Variants in STAU1 observed in about 807,000 individuals in gnomAD.
The protein encoded by STAU1 is double-stranded RNA-binding protein Staufen homolog 1.
STAU1 carries 13 observed loss-of-function variants against 62.9 expected under a neutral mutation model. The observed-to-expected ratio is 0.21, with a 90% confidence interval of 0.13 to 0.33. The LOEUF (loss-of-function observed/expected upper bound fraction) is 0.33, where lower values mean the gene tolerates loss of function less well. STAU1 is among the 10% of genes least tolerant of loss of function. The pLI, the probability that STAU1 is intolerant of heterozygous loss-of-function variation, is 1.00. For missense variants in STAU1, 571 were observed against 712.1 expected (o/e 0.80, Z 2.25); for synonymous variants, 269 against 265.1 (o/e 1.01, Z -0.14).
rs747765251 is a variant in STAU1, at chr20:49,113,875, A to C, written c.*1003T>G. The C allele has an allele frequency of 1.3e-5, 2 of 152,660 alleles. No individual in the cohort carries two copies. Among genetic ancestry groups the C allele is most frequent in the Non-Finnish European group, 2.9e-5 (2 of 68,048 alleles). The allele number at this position is 152,660 out of a possible 1,614,324, so 9.5% of individuals were successfully genotyped here. ...AAGTCCTCAAGAGCCATATGTATAG[A>C]TACACAATGTTTTTTAATAATCTTT... On this transcript the variant is annotated 3_prime_UTR_variant, in exon 14 of 14. Coordinates refer to ENST00000371856, the MANE Select transcript of STAU1 (RefSeq NM_017453.4).
chr20:49,127,741 T>C (rs1005458980), intron 6 of STAU1, among the ~76,000 whole-genome samples: 1 of 151,206 alleles, frequency 6.6e-6, no homozygotes, highest in South Asian at 2.1e-4. Context: ...GCCAGGCACA[T>C]TGGCTCACTC....
chr20:49,132,165 T>TA (rs1328999146), intron 6 of STAU1, among the ~76,000 whole-genome samples: 1 of 152,036 alleles, frequency 6.6e-6, no homozygotes, highest in Non-Finnish European at 1.5e-5. Flanking sequence ...AGAACTCCCA[T>TA]AGGTGCCGCC....
the STAU1 span, among the ~76,000 whole-genome samples, chr20:49,216,739 C>T: frequency 6.6e-6 from 1 of 151,894 alleles, no homozygotes; most frequent in Non-Finnish European, 1.5e-5. Context: ...TGACATGGGA[C>T]GTGGCAGGGA....
intron 1 of STAU1, among the ~76,000 whole-genome samples, chr20:49,174,482 G>T (rs1353567473): frequency 6.6e-6 from 1 of 152,160 alleles, no homozygotes; most frequent in African/African-American, 2.4e-5. Flanking sequence ...CACTTTGGGA[G>T]GCCGAGGCGG....
chr20:49,117,652 C>G lies in STAU1; in HGVS notation c.1509+125G>C. 1 of 984,540 alleles carries G rather than the reference C, an allele frequency of 1.0e-6. No homozygotes were observed. Among genetic ancestry groups the G allele is most frequent in the Non-Finnish European group, 1.5e-6 (1 of 683,554 alleles). 61.0% of individuals were successfully genotyped at this position (984,540 alleles called of 1,614,324 possible). A position where few individuals can be genotyped will look rare whatever the true frequency, so the allele number is the denominator to read the frequency against. On this transcript the variant is annotated intron_variant, in intron 11 of 13. Transcript: ENST00000371856. The surrounding 1 kb of genome is among the most constrained non-coding windows in gnomAD (Gnocchi z 4.6). ...CCTCCTACCCTTCCATCACTGCTCC[C>G]CAGCCCATCCCTGGACAGAACTTGA...
At chr20:49,168,699 T>A (rs2093558717) in intron 2 of STAU1, among the ~76,000 whole-genome samples, 1 of 152,170 alleles carries the variant, frequency 6.6e-6, no homozygotes, top group Non-Finnish European at 1.5e-5. Context: ...AGGTAGTGAT[T>A]CTCAAAAGGG....
intron 9 of STAU1, among the ~76,000 whole-genome samples, chr20:49,119,391 T>C (rs916014640): frequency 6.6e-6 from 1 of 152,156 alleles, no homozygotes; most frequent in Admixed American, 6.6e-5. Flanking sequence ...TTGCTCAGAC[T>C]GGTCTTGAAC....
chr20:49,164,663 G>A (rs1264644979), intron 3 of STAU1, among the ~76,000 whole-genome samples: 2 of 152,050 alleles, frequency 1.3e-5, no homozygotes, highest in East Asian at 3.9e-4. Flanking sequence ...CTATTCAGGA[G>A]GCTGAGGCAG....
rs751095943 is a variant in STAU1 at position 49,117,734 on chromosome 20, C to T, written c.1509+43G>A. The T allele has an allele frequency of 3.8e-5, 59 of 1,533,118 alleles. No homozygotes were observed. In the Admixed American group the frequency reaches 1.1e-3, roughly 28 times the overall value. The allele number at this position is 1,533,118 out of a possible 1,614,324, so 95.0% of individuals were successfully genotyped here. A position where few individuals can be genotyped will look rare whatever the true frequency, so the allele number is the denominator to read the frequency against. The stretch of plus-strand genomic sequence containing the variant: ...TTTTCTGAGAGAAGCCAAAAGATGA[C>T]TGTCCTGAGGCACAGCCATCACAGC... On this transcript the variant is annotated intron_variant, in intron 11 of 13. Transcript: ENST00000371856. The surrounding 1 kb of genome is among the most constrained non-coding windows in gnomAD (Gnocchi z 4.6).
the STAU1 span, among the ~76,000 whole-genome samples, chr20:49,198,603 A>T: frequency 6.6e-6 from 1 of 151,302 alleles, no homozygotes; most frequent in Non-Finnish European, 1.5e-5. Flanking sequence ...CCCAAGACAG[A>T]CAGATCACTT....
the STAU1 span, among the ~76,000 whole-genome samples, chr20:49,201,071 A>AAAAGAAG: frequency 3.9e-4 from 41 of 104,616 alleles, no homozygotes; most frequent in Non-Finnish European, 6.4e-4. Flanking sequence ...AAAAAAAAAA[A>AAAAGAAG]AAGAAGAAGA....
chr20:49,199,714 A>G, the STAU1 span, among the ~76,000 whole-genome samples: 1 of 151,678 alleles, frequency 6.6e-6, no homozygotes, highest in South Asian at 2.1e-4. Context: ...CTGGGATTAC[A>G]GGCGCCTGCC....
Position 49,118,420 on chromosome 20 carries a change from A to G in STAU1, c.1114-12T>C. Reference sequence around the variant, plus strand: ...TTCTTTATGGGTGTCTTAAAAAAGAAGAAGAAAAAAAAAAGGCCATGAGCA... The same window carrying G: ...TTCTTTATGGGTGTCTTAAAAAAGAGGAAGAAAAAAAAAAGGCCATGAGCA... On this transcript the variant is annotated splice_polypyrimidine_tract_variant and intron_variant, in intron 9 of 13. Transcript: ENST00000371856. The G allele has an allele frequency of 6.3e-7, 1 of 1,593,384 alleles. No individual in the cohort carries two copies. The highest frequency in any genetic ancestry group is 8.6e-7 in the Non-Finnish European group (1 of 1,169,108).
At chr20:49,167,544 A>G (rs2093542459) in intron 2 of STAU1, among the ~76,000 whole-genome samples, 1 of 152,188 alleles carries the variant, frequency 6.6e-6, no homozygotes, top group African/African-American at 2.4e-5. Flanking sequence ...AAATTCCCCA[A>G]GAGTGCAGTT....
At chr20:49,134,723 C>T in intron 6 of STAU1, 2 of 1,092,200 alleles carry the variant, frequency 1.8e-6, no homozygotes, top group Non-Finnish European at 2.8e-6. Context: ...TCTGAAAAAA[C>T]TCCAAAAGTG....
chr20:49,172,517 T>C (rs2093610102), intron 2 of STAU1, among the ~76,000 whole-genome samples: 1 of 152,218 alleles, frequency 6.6e-6, no homozygotes, highest in Non-Finnish European at 1.5e-5. Flanking sequence ...TTCTTGACTA[T>C]GAAGGGGCTT....
chr20:49,144,973 A>G (rs1238786702), intron 5 of STAU1, among the ~76,000 whole-genome samples: 2 of 152,214 alleles, frequency 1.3e-5, no homozygotes, highest in African/African-American at 2.4e-5. Flanking sequence ...AAGACTTACA[A>G]AAGGATCCAA....
chr20:49,139,412 C>A (rs557653706), intron 5 of STAU1, among the ~76,000 whole-genome samples: 1 of 152,262 alleles, frequency 6.6e-6, no homozygotes, highest in East Asian at 1.9e-4. Flanking sequence ...AGCACTTACA[C>A]AGGCATTTCT....
chr20:49,172,851 C>T (rs949608521), intron 2 of STAU1, among the ~76,000 whole-genome samples: 8 of 151,872 alleles, frequency 5.3e-5, no homozygotes, highest in Admixed American at 3.3e-4. Context: ...TGAGTCAAAA[C>T]ACTAAAGGAA....
Sources: allele counts gnomAD v4.1 joint callset (sites outside exome capture counted in the v4.1 genomes callset), GRCh38; gene constraint gnomAD v4.1.1; non-coding constraint Gnocchi (gnomAD v3.1); transcripts MANE v1.5; gene names NCBI Gene and HGNC (gene_info 2026-07-23, HGNC 2026-07-21).